CD1B: variants seen among roughly 807,000 people sequenced by gnomAD.
CD1B encodes the protein T-cell surface glycoprotein CD1b.
Under a neutral mutation model 39.8 loss-of-function variants are expected in CD1B, and 43 were observed. The ratio of observed to expected loss-of-function variants is 1.08; its 90% CI spans 0.85 to 1.39. The LOEUF (loss-of-function observed/expected upper bound fraction) is 1.39. Among genes scored for constraint, CD1B ranks in the 40% most tolerant of loss-of-function variants. CD1B has a pLI of 0.00. For missense variants in CD1B, 495 were observed against 403.8 expected (o/e 1.23, Z -1.94); for synonymous variants, 192 against 152.5 (o/e 1.26, Z -1.91).
chr1:158,302,065 C>T, the CD1B span, among the ~76,000 whole-genome samples: 2 of 151,866 alleles, frequency 1.3e-5, no homozygotes, highest in African/African-American at 4.8e-5. Context: ...TCAACACATT[C>T]AAAAAAACCA....
the CD1B span, among the ~76,000 whole-genome samples, chr1:158,314,042 A>T: frequency 6.6e-6 from 1 of 150,612 alleles, no homozygotes; most frequent in African/African-American, 2.4e-5. Flanking sequence ...TATTTTTTTG[A>T]CTCCTCTTTT....
chr1:158,311,218 T>C, the CD1B span, among the ~76,000 whole-genome samples: 1 of 152,210 alleles, frequency 6.6e-6, no homozygotes, highest in African/African-American at 2.4e-5. Context: ...CTTAGACTAA[T>C]TCAAACTGGG....
At chr1:158,290,343 G>C in the CD1B span, among the ~76,000 whole-genome samples, 1 of 152,162 alleles carries the variant, frequency 6.6e-6, no homozygotes, top group Non-Finnish European at 1.5e-5. Context: ...TGTGGTAACT[G>C]GTTCAATTTC....
At chr1:158,318,076 C>T in the CD1B span, among the ~76,000 whole-genome samples, 1 of 152,294 alleles carries the variant, frequency 6.6e-6, no homozygotes, top group African/African-American at 2.4e-5. Context: ...GAGAGCTTTA[C>T]TGCCAACTAT....
the CD1B span, among the ~76,000 whole-genome samples, chr1:158,302,188 G>T: frequency 6.6e-6 from 1 of 152,134 alleles, no homozygotes; most frequent in Non-Finnish European, 1.5e-5. Context: ...TTCTGGTCCT[G>T]AAAGACTTTT....
the CD1B span, among the ~76,000 whole-genome samples, chr1:158,293,034 C>T: frequency 6.6e-6 from 1 of 152,156 alleles, no homozygotes; most frequent in African/African-American, 2.4e-5. Context: ...TACATGGATA[C>T]TAGAGATTTA....
chr1:158,318,334 G>A, the CD1B span, among the ~76,000 whole-genome samples: 8 of 152,016 alleles, frequency 5.3e-5, no homozygotes, highest in Admixed American at 5.2e-4. Context: ...TTGCTTTATG[G>A]ATCTGGGTGC....
intron 1 of CD1B, 93 bp downstream of exon 1, chr1:158,331,270 C>T: frequency 8.0e-7 from 1 of 1,252,952 alleles, no homozygotes; most frequent in Non-Finnish European, 1.2e-6. Flanking sequence ...AGACCCAGAC[C>T]CTTAGTGTCC....
Position 158,330,980 on chromosome 1 carries a change from G to C in CD1B, c.144C>G (p.Gly48=). 1 of 1,614,054 alleles carries C rather than the reference G, an allele frequency of 6.2e-7. No individual in the cohort carries two copies. The highest frequency in any genetic ancestry group is 8.5e-7 in the Non-Finnish European group (1 of 1,179,974). ...CATGAATCTGCAAATCATCCAACCA[G>C]CCTGAGCCTTGAGTTTGTGCCCAGG... ...NSTWAQTQGS[G]WLDDLQIHGW... The change falls in exon 2 of 6, where the codon GGC becomes GGG. Residue 48 remains glycine (G), a synonymous_variant. Transcript: ENST00000368168.
chr1:158,331,166 T>C lies in CD1B; in HGVS notation c.62-104A>G, dbSNP rs1332365904. 6 of 1,270,318 alleles carry C rather than the reference T, an allele frequency of 4.7e-6. No individual in the cohort carries two copies. The East Asian group carries it at 1.4e-4, about 29-fold the overall frequency. 78.7% of individuals were successfully genotyped at this position (1,270,318 alleles called of 1,614,324 possible). On this transcript the variant is annotated intron_variant, in intron 1 of 5. Transcript: ENST00000368168. ...ATTTAGAAAACAAGAACCTAGAGTC[T>C]AAAGAACACAGGAAGTCTGACACAT...
downstream of CD1B, among the ~76,000 whole-genome samples, chr1:158,325,091 C>A (rs1422711035): frequency 6.6e-6 from 1 of 151,222 alleles, no homozygotes; most frequent in South Asian, 2.1e-4. Context: ...TACCTTGATT[C>A]CATCAAGGTA....
intron 4 of CD1B, 50 bp downstream of exon 4, chr1:158,329,320 C>T: frequency 1.3e-6 from 2 of 1,578,856 alleles, no homozygotes; most frequent in Non-Finnish European, 1.7e-6. Flanking sequence ...CCCTCTATGC[C>T]TGAAGATCAC....
At chr1:158,324,876 G>C (rs912235415), downstream of CD1B, among the ~76,000 whole-genome samples, 8 of 152,080 alleles carry the variant, frequency 5.3e-5, no homozygotes, top group African/African-American at 1.7e-4. Context: ...AGGAAGAATT[G>C]ACTTGAAAAG....
chr1:158,329,169 C>G (rs1652478628), intron 4 of CD1B, among the ~76,000 whole-genome samples, 155 bp from the exon 5 acceptor site: 2 of 152,152 alleles, frequency 1.3e-5, no homozygotes, highest in Admixed American at 1.3e-4. Flanking sequence ...ATCCCCTCTA[C>G]CCAGTTTACA....
At chr1:158,320,252 T>C in the CD1B span, among the ~76,000 whole-genome samples, 1 of 152,190 alleles carries the variant, frequency 6.6e-6, no homozygotes, top group Non-Finnish European at 1.5e-5. Context: ...CGCCCCTGCC[T>C]CAGCCTCACT....
chr1:158,317,764 A>G, the CD1B span, among the ~76,000 whole-genome samples: 1 of 152,096 alleles, frequency 6.6e-6, no homozygotes, highest in African/African-American at 2.4e-5. Context: ...TAGGATGTCA[A>G]TTTTGGATGT....
the CD1B span, among the ~76,000 whole-genome samples, chr1:158,315,775 G>T: frequency 2.6e-5 from 4 of 152,148 alleles, no homozygotes; most frequent in African/African-American, 9.7e-5. Context: ...TTCTTGTAGG[G>T]TTTTTATGGT....
chr1:158,311,690 G>A, the CD1B span, among the ~76,000 whole-genome samples: 1 of 152,084 alleles, frequency 6.6e-6, no homozygotes, highest in African/African-American at 2.4e-5. Flanking sequence ...GAGATATAGG[G>A]CTCTAGTTTT....
the CD1B span, among the ~76,000 whole-genome samples, chr1:158,290,882 G>A: frequency 7.3e-3 from 1,113 of 152,296 alleles, 11 homozygotes; most frequent in African/African-American, 0.025. Flanking sequence ...GGTTGAGCAT[G>A]ATGGGCTTTC....
Sources: allele counts gnomAD v4.1 joint callset (sites outside exome capture counted in the v4.1 genomes callset), GRCh38; gene constraint gnomAD v4.1.1; transcripts MANE v1.5; gene names NCBI Gene and HGNC (gene_info 2026-07-23, HGNC 2026-07-21).